Variants in KCNQ2 observed in about 807,000 individuals in gnomAD.
KCNQ2 encodes potassium voltage-gated channel subfamily KQT member 2.
Under a neutral mutation model 84.8 loss-of-function variants are expected in KCNQ2, and 14 were observed. The ratio of observed to expected loss-of-function variants is 0.17; its 90% confidence interval spans 0.11 to 0.26. The LOEUF is 0.26. KCNQ2 is among the 10% of genes least tolerant of loss of function. KCNQ2 has a pLI of 1.00. For missense variants in KCNQ2, 788 were observed against 1,254.0 expected, an observed-to-expected ratio of 0.63 and a Z score of 5.61; for synonymous variants, 599 against 554.1, an observed-to-expected ratio of 1.08 and a Z score of -1.14.
At chr20:63,456,350 C>T (rs1225934930) in intron 1 of KCNQ2, among the ~76,000 whole-genome samples, 3 of 152,232 alleles carry the variant, frequency 2.0e-5, no homozygotes, top group Non-Finnish European at 4.4e-5. Flanking sequence ...GGTCTGGGCC[C>T]CCCGAGTCAG....
chr20:63,427,199 G>A (rs1295476357), intron 10 of KCNQ2, among the ~76,000 whole-genome samples: 1 of 152,248 alleles, frequency 6.6e-6, no homozygotes, highest in Non-Finnish European at 1.5e-5. Context: ...TCCAGCCTGG[G>A]CGAAAGAGCA....
At chr20:63,420,332 G>A (rs572385174) in intron 11 of KCNQ2, among the ~76,000 whole-genome samples, 49 of 152,326 alleles carry the variant, frequency 3.2e-4, no homozygotes, top group African/African-American at 1.1e-3. Context: ...CAGAAAACAC[G>A]GAACGTTTTC....
At chr20:63,421,773 G>T (rs1308754767) in intron 11 of KCNQ2, among the ~76,000 whole-genome samples, 1 of 152,116 alleles carries the variant, frequency 6.6e-6, no homozygotes, top group Non-Finnish European at 1.5e-5. Flanking sequence ...GTGAGATGGG[G>T]TGTCGGACAA....
Position 63,407,955 on chromosome 20 carries a change from T to C in KCNQ2, c.1887+458A>G. On this transcript the variant is annotated intron_variant, in intron 16 of 16. Transcript: ENST00000359125. The surrounding 1 kb of genome is among the most constrained non-coding windows in gnomAD (Gnocchi z 7.2). ...CAGGAAAGCCCCACAGGGCAGGACC[T>C]GGCAGTTCCTTACTCACTGCTCAGG... The C allele has an allele frequency of 4.1e-6, 1 of 244,612 alleles. No homozygotes were observed. Among genetic ancestry groups the C allele is most frequent in the Non-Finnish European group, 8.1e-6 (1 of 122,738 alleles). 15.2% of individuals were successfully genotyped at this position (244,612 alleles called of 1,614,324 possible). A position where few individuals can be genotyped will look rare whatever the true frequency, so the allele number is the denominator to read the frequency against.
At chr20:63,437,908 C>T (rs534783407) in intron 7 of KCNQ2, among the ~76,000 whole-genome samples, 1 of 152,290 alleles carries the variant, frequency 6.6e-6, no homozygotes, top group African/African-American at 2.4e-5. Context: ...CTCCCTGGTT[C>T]AAGCGATTCT....
In KCNQ2 at chr20:63,408,110, T is replaced by C. The variant is rs369986187; in HGVS notation, c.1887+303A>G. On this transcript the variant is annotated intron_variant, in intron 16 of 16. Transcript: ENST00000359125. The surrounding 1 kb of genome is among the most constrained non-coding windows in gnomAD (Gnocchi z 5.0). The stretch of plus-strand genomic sequence containing the variant: ...AGGAGGAAGGCCAGGCAGGTACAAC[T>C]TCCGGCACGTTCCACAAGGAACCCC... 4.8e-6 allele frequency: 2 copies of C among 417,638 alleles called. No homozygotes were observed. Among genetic ancestry groups the C allele is most frequent in the South Asian group, 2.3e-5 (1 of 42,798 alleles). 25.9% of individuals were successfully genotyped at this position (417,638 alleles called of 1,614,324 possible).
intron 15 of KCNQ2, among the ~76,000 whole-genome samples, chr20:63,413,060 T>C (rs2080169709): frequency 6.6e-6 from 1 of 152,014 alleles, no homozygotes; most frequent in South Asian, 2.1e-4. Context: ...CACACATGTG[T>C]ACACACATGT....
At chr20:63,411,232 G>C (rs1876958501) in intron 15 of KCNQ2, among the ~76,000 whole-genome samples, 1 of 152,218 alleles carries the variant, frequency 6.6e-6, no homozygotes, top group South Asian at 2.1e-4. Context: ...GTGACCGTCT[G>C]TATCTTCCAC....
At position 63,438,084 on chromosome 20, in the gene KCNQ2, A is replaced by C. The variant is rs528895473; in HGVS notation, c.1023+541T>G. ...CGGCCTCCCAAAGTGCTGGGATTGC[A>C]GGCGTGAGCCACTGTGCCCGGCCAT... On this transcript the variant is annotated intron_variant, in intron 7 of 16. Transcript: ENST00000359125. This position sits in a 1 kb window ranked among gnomAD's most constrained non-coding sequence, Gnocchi z 5.1. 1.8e-4 allele frequency: 30 copies of C among 163,020 alleles called. No homozygotes were observed. Among genetic ancestry groups the C allele is most frequent in the Non-Finnish European group, 3.2e-4 (24 of 74,010 alleles). The allele number at this position is 163,020 out of a possible 1,614,324, so 10.1% of individuals were successfully genotyped here. A position where few individuals can be genotyped will look rare whatever the true frequency, so the allele number is the denominator to read the frequency against.
At chr20:63,416,870 C>G (rs1358219527) in intron 12 of KCNQ2, among the ~76,000 whole-genome samples, 1 of 152,216 alleles carries the variant, frequency 6.6e-6, no homozygotes, top group East Asian at 1.9e-4. Context: ...CACCCCATCC[C>G]CCAGGCAGCA....
intron 15 of KCNQ2, chr20:63,411,911 C>T (rs1035250270): frequency 1.3e-5 from 9 of 711,784 alleles, no homozygotes; most frequent in Admixed American, 6.1e-5. Flanking sequence ...AAAGAGACAC[C>T]GGCGAAACGC....
intron 4 of KCNQ2, among the ~76,000 whole-genome samples, chr20:63,443,400 TCACCAC>T (rs1568937705): frequency 7.2e-4 from 4 of 5,560 alleles, no homozygotes; most frequent in Non-Finnish European, 1.5e-3. Flanking sequence ...ACCATCACCA[TCACCAC>T]CATCACCATC....
intron 4 of KCNQ2, among the ~76,000 whole-genome samples, chr20:63,444,052 C>T (rs749933400): frequency 7.9e-5 from 12 of 152,262 alleles, no homozygotes; most frequent in Admixed American, 3.9e-4. Context: ...GACCCCTGCC[C>T]ATTCTGCAGA....
intron 4 of KCNQ2, among the ~76,000 whole-genome samples, chr20:63,443,076 CACCACCACCATT>C (rs2081272156): frequency 2.3e-5 from 2 of 85,124 alleles, no homozygotes; most frequent in Non-Finnish European, 4.7e-5. Context: ...CCATTATCAC[CACCACCACCATT>C]ATCACCACCA....
chr20:63,444,959 G>A, intron 3 of KCNQ2, 125 bp from the exon 4 acceptor site: 1 of 1,136,962 alleles, frequency 8.8e-7, no homozygotes, highest in Non-Finnish European at 1.2e-6. Flanking sequence ...CCAGCGCCTG[G>A]TGTGGGCTCT....
chr20:63,415,537 A>G lies in KCNQ2; in HGVS notation c.1302-411T>C, dbSNP rs534191899. Among the ~76,000 whole-genome samples, 458 of 62,618 alleles carry G rather than the reference A, an allele frequency of 7.3e-3. 52 individuals carry two copies. The highest frequency in any genetic ancestry group is 0.068 in the South Asian group (60 of 888). 41.1% of individuals were successfully genotyped at this position (62,618 alleles called of 152,430 possible). A position where few individuals can be genotyped will look rare whatever the true frequency, so the allele number is the denominator to read the frequency against. ...GGGAGGGAGGGAGGGGAGGCCACAG[A>G]CACTGAGCACCCGGCGGGAGGGAGG... On this transcript the variant is annotated intron_variant, in intron 12 of 16. Transcript: ENST00000359125.
intron 10 of KCNQ2, among the ~76,000 whole-genome samples, chr20:63,424,984 G>A (rs2080586112): frequency 6.6e-6 from 1 of 152,122 alleles, no homozygotes; most frequent in Non-Finnish European, 1.5e-5. Flanking sequence ...GTGGAACATG[G>A]TCCACGCTCT....
At chr20:63,444,886 C>T (rs1600787043) in intron 3 of KCNQ2, 52 bp from the exon 4 acceptor site, 1 of 1,522,474 alleles carries the variant, frequency 6.6e-7, no homozygotes, top group Non-Finnish European at 8.9e-7. Context: ...CCCGCACCCC[C>T]TTGGAGAAAA....
intron 9 of KCNQ2, among the ~76,000 whole-genome samples, chr20:63,430,985 GA>G (rs1239356780): frequency 7.2e-5 from 11 of 152,224 alleles, no homozygotes; most frequent in Non-Finnish European, 1.6e-4. Context: ...GTGGGGTGGG[GA>G]TGGAGGCACG....
Sources: gnomAD v4.1 joint callset for allele counts (sites outside exome capture counted in the v4.1 genomes callset) on GRCh38, gnomAD v4.1.1 for gene constraint, Gnocchi (gnomAD v3.1) non-coding constraint, MANE v1.5 for transcripts, NCBI Gene and HGNC (gene_info 2026-07-23, HGNC 2026-07-21) for gene names.